SPEN: variants seen among roughly 807,000 people sequenced by gnomAD.
SPEN encodes the protein spen family transcriptional repressor, also known as msx2-interacting protein.
SPEN carries 18 observed loss-of-function variants against 269.9 expected under a neutral mutation model. The ratio of observed to expected loss-of-function variants is 0.07; its 90% CI spans 0.05 to 0.10. SPEN has a LOEUF of 0.10. Ranked by LOEUF, SPEN falls within the 10% of genes least tolerant of loss-of-function variation. The pLI is 1.00. For synonymous variants in SPEN, 1,726 were observed against 1,765.7 expected, an observed-to-expected ratio of 0.98 and a Z score of 0.56; for missense variants, 3,822 against 4,631.2, an observed-to-expected ratio of 0.83 and a Z score of 5.07.
chr1:15,937,337 C>T lies in SPEN; in HGVS notation c.10201C>T (p.Gln3401Ter). 1 of 1,613,872 alleles carries T rather than the reference C, an allele frequency of 6.2e-7. No individual in the cohort carries two copies. Among genetic ancestry groups the T allele is most frequent in the East Asian group, 2.2e-5 (1 of 44,860 alleles). ...AAAGGGGACCCAGACGGGAGTAGAGCAGCCTCGCCTCCCAGCTGGACCTGC... is the reference window on the plus strand; with the variant it reads ...AAAGGGGACCCAGACGGGAGTAGAGTAGCCTCGCCTCCCAGCTGGACCTGC... ...EAKGTQTGVE[Q>*]PRLPAGPANR... The change falls in exon 12 of 15, where the codon CAG becomes TAG. Residue 3401 changes from glutamine to a stop codon, truncating the protein, a stop_gained. Coordinates refer to ENST00000375759, the MANE Select transcript of SPEN (RefSeq NM_015001.3). LOFTEE classifies it high-confidence loss of function. The surrounding 1 kb of genome is among the most constrained non-coding windows in gnomAD (Gnocchi z 5.7).
In SPEN at chr1:15,929,670, A is replaced by C. The variant is rs753563571; in HGVS notation, c.3430A>C (p.Lys1144Gln). ...TCTTCGTGATGAAACACCTGAACGT[A>C]AATCAGGCCAAGAGAAATCACATTC... ...CSLRDETPERKSGQEKSHSVN... is the reference protein window; with the variant it reads ...CSLRDETPERQSGQEKSHSVN... Residue 1144 changes from lysine (K) to glutamine (Q), a missense_variant, in exon 11 of 15, where the codon AAA becomes CAA. Physicochemically the swap from Lys to Gln is moderately conservative, Grantham distance 53. Transcript: ENST00000375759. This position sits in a 1 kb window ranked among gnomAD's most constrained non-coding sequence, Gnocchi z 5.8. The C allele has an allele frequency of 1.2e-6, 2 of 1,614,172 alleles. No individual in the cohort carries two copies. The highest frequency in any genetic ancestry group is 4.5e-5 in the East Asian group (2 of 44,894).
At position 15,940,273 on chromosome 1, in the gene SPEN, C is replaced by G; in HGVS notation, c.*846C>G. 4.3e-6 allele frequency: 1 copy of G among 233,262 alleles called. No homozygotes were observed. Among genetic ancestry groups the G allele is most frequent in the Non-Finnish European group, 8.5e-6 (1 of 117,818 alleles). 14.4% of individuals were successfully genotyped at this position (233,262 alleles called of 1,614,324 possible). ...GCGCTTCGGTACAGCACGGGTCCTG[C>G]TCCCGCGATGTGGAAGTGTCACACG... On this transcript the variant is annotated 3_prime_UTR_variant, in exon 15 of 15. Coordinates refer to ENST00000375759, the MANE Select transcript of SPEN (RefSeq NM_015001.3).
Position 15,939,316 on chromosome 1 carries a change from C to A in SPEN, c.10884C>A (p.Ile3628=). 6.3e-7 allele frequency: 1 copy of A among 1,596,136 alleles called. No individual in the cohort carries two copies. Among genetic ancestry groups the A allele is most frequent in the South Asian group, 1.1e-5 (1 of 88,396 alleles). The change falls in exon 15 of 15, where the codon ATC becomes ATA. Residue 3628 remains isoleucine, a synonymous_variant. Coordinates refer to ENST00000375759, the MANE Select transcript of SPEN (RefSeq NM_015001.3). This position sits in a 1 kb window ranked among gnomAD's most constrained non-coding sequence, Gnocchi z 4.1. ...TCCAGCCTGCCTACGTGCTGCAGAT[C>A]TTCCCGCCCTGTGAGTTCTCTGAGA... The part of the protein sequence containing the change: ...GSNQPAYVLQ[I]FPPCEFSESH...
rs771829980 is a variant in SPEN, at chr1:15,935,870, C to A, written c.9630C>A (p.Pro3210=). 6.2e-7 allele frequency: 1 copy of A among 1,613,592 alleles called. No homozygotes were observed. Among genetic ancestry groups the A allele is most frequent in the Non-Finnish European group, 8.5e-7 (1 of 1,179,990 alleles). Reference sequence around the variant, plus strand: ...ATGTGACGGCAGTCAGCGAGCAGCCCAGGGCCGCGGATGGGGTGGTGAAGG... The same window carrying A: ...ATGTGACGGCAGTCAGCGAGCAGCCAAGGGCCGCGGATGGGGTGGTGAAGG... ...HPHVTAVSEQ[P]RAADGVVKVP... The change falls in exon 11 of 15, where the codon CCC becomes CCA. Residue 3210 remains proline, a synonymous_variant. Transcript: ENST00000375759. This position sits in a 1 kb window ranked among gnomAD's most constrained non-coding sequence, Gnocchi z 7.7.
At chr1:15,870,623 T>C (rs1394323035) in intron 1 of SPEN, among the ~76,000 whole-genome samples, 1 of 152,202 alleles carries the variant, frequency 6.6e-6, no homozygotes, top group Non-Finnish European at 1.5e-5. Context: ...ATGACTTGTG[T>C]GAGAATGAAG....
chr1:15,898,558 C>CTTTTTTTTT (rs375319827), intron 3 of SPEN, among the ~76,000 whole-genome samples: 493 of 131,942 alleles, frequency 3.7e-3, no homozygotes, highest in Middle Eastern at 0.012. Context: ...TTCTTTTTTT[C>CTTTTTTTTT]TTTTTTTTTT....
At chr1:15,894,927 T>C (rs1396967317) in intron 3 of SPEN, among the ~76,000 whole-genome samples, 1 of 152,026 alleles carries the variant, frequency 6.6e-6, no homozygotes, top group African/African-American at 2.4e-5. Context: ...ACCTTTTTAT[T>C]TTTATTTTTA....
chr1:15,889,300 G>A (rs1363683804), intron 3 of SPEN, among the ~76,000 whole-genome samples: 8 of 151,692 alleles, frequency 5.3e-5, no homozygotes, highest in African/African-American at 1.9e-4. Flanking sequence ...TGAGTAGCTG[G>A]GATTGCAGGC....
In SPEN at chr1:15,935,205, G is replaced by T. The variant is rs759938106; in HGVS notation, c.8965G>T (p.Ala2989Ser). 25 of 1,613,904 alleles carry T rather than the reference G, an allele frequency of 1.5e-5. No homozygotes were observed. The highest frequency in any genetic ancestry group is 2.1e-5 in the Non-Finnish European group (25 of 1,179,994). ...CACGCTCACGCCCCACCACCCTCCTGCTCTGCCCAGCAAACTGCCTACAGA... is the reference window on the plus strand; with the variant it reads ...CACGCTCACGCCCCACCACCCTCCTTCTCTGCCCAGCAAACTGCCTACAGA... Reference protein sequence around the residue: ...GSTLTPHHPPALPSKLPTEVN... With the variant: ...GSTLTPHHPPSLPSKLPTEVN... Residue 2989 changes from alanine (A) to serine (S), a missense_variant, in exon 11 of 15, where the codon GCT becomes TCT. This residue lies in a region of SPEN where 94 missense variants were observed against 90.4 expected (regional missense o/e 1.04). Coordinates refer to ENST00000375759, the MANE Select transcript of SPEN (RefSeq NM_015001.3). The surrounding 1 kb of genome is among the most constrained non-coding windows in gnomAD (Gnocchi z 7.7).
intron 6 of SPEN, 75 bp downstream of exon 6, chr1:15,916,354 G>T: frequency 6.2e-6 from 9 of 1,446,706 alleles, no homozygotes; most frequent in Non-Finnish European, 5.6e-6. Flanking sequence ...ATTATATTTG[G>T]AAAGGTGATA....
At chr1:15,898,010 A>T (rs1346194153) in intron 3 of SPEN, among the ~76,000 whole-genome samples, 1 of 152,110 alleles carries the variant, frequency 6.6e-6, no homozygotes, top group Non-Finnish European at 1.5e-5. Flanking sequence ...TCTCTGAGGA[A>T]GTTTACCTGG....
At chr1:15,862,227 A>G (rs2070455843) in intron 1 of SPEN, among the ~76,000 whole-genome samples, 1 of 151,938 alleles carries the variant, frequency 6.6e-6, no homozygotes, top group South Asian at 2.1e-4. Context: ...TCTTAATCTA[A>G]GTGCTTTGTT....
rs774536757 is a variant in SPEN at position 15,936,251 on chromosome 1, C to T, written c.10011C>T (p.Thr3337=). The change falls in exon 11 of 15, where the codon ACC becomes ACT. Residue 3337 remains threonine, a synonymous_variant. Transcript: ENST00000375759. ...CCTCTGTTGGCCTGCCTTCCCGGAC[C>T]AAGACAGCTGCTCAGGTGAGCCAGC... ...AASSVGLPSR[T]KTAAQGPPPE... is the part of the protein sequence containing the mutation. 2 of 1,549,366 alleles carry T rather than the reference C, an allele frequency of 1.3e-6. No homozygotes were observed. The highest frequency in any genetic ancestry group is 1.8e-6 in the Non-Finnish European group (2 of 1,139,824).
chr1:15,882,545 A>G (rs986887276), intron 3 of SPEN, among the ~76,000 whole-genome samples: 3 of 152,152 alleles, frequency 2.0e-5, no homozygotes, highest in East Asian at 3.9e-4. Context: ...CTGTAATCCC[A>G]GCTACTATGG....
At chr1:15,892,012 C>CTTTTT (rs71003216) in intron 3 of SPEN, among the ~76,000 whole-genome samples, 27 of 74,564 alleles carry the variant, frequency 3.6e-4, no homozygotes, top group African/African-American at 7.8e-4. Context: ...TTTCTTTTTA[C>CTTTTT]TTTTTTTTTT....
At position 15,940,319 on chromosome 1, in the gene SPEN, G is replaced by C. The variant is rs2071332702; in HGVS notation, c.*892G>C. 4.3e-6 allele frequency: 1 copy of C among 233,012 alleles called. No homozygotes were observed. The highest frequency in any genetic ancestry group is 2.2e-5 in the African/African-American group (1 of 45,268). The allele number at this position is 233,012 out of a possible 1,614,324, so 14.4% of individuals were successfully genotyped here. On this transcript the variant is annotated 3_prime_UTR_variant, in exon 15 of 15. Transcript: ENST00000375759. ...ACACGGCACCTGTACAAAAAGACTG[G>C]CTAACCCCTCTTCCTATTACCTTGA...
Position 15,887,972 on chromosome 1 carries a change from G to A in SPEN, c.881+11294G>A, listed in dbSNP as rs968521332. ...GAGCCCTGGAGGCAGAGGTTGCAGT[G>A]AGCCAAGATTGCACCACTGCACTCC... On this transcript the variant is annotated intron_variant, in intron 3 of 14. Transcript: ENST00000375759. Among the ~76,000 whole-genome samples the A allele has an allele frequency of 4.0e-5, 6 of 151,578 alleles. No homozygotes were observed. The East Asian group carries it at 1.2e-3, about 30-fold the overall frequency.
intron 3 of SPEN, among the ~76,000 whole-genome samples, chr1:15,900,010 T>A (rs1476651172): frequency 3.3e-5 from 5 of 152,062 alleles, no homozygotes; most frequent in Admixed American, 3.3e-4. Context: ...CATGCCTGGC[T>A]AATTTTTGTA....
At chr1:15,902,172 T>C (rs1313346657) in intron 3 of SPEN, among the ~76,000 whole-genome samples, 1 of 152,154 alleles carries the variant, frequency 6.6e-6, no homozygotes, top group Non-Finnish European at 1.5e-5. Context: ...CAAGTGATCT[T>C]CCTGCCTCAG....
Sources: gnomAD v4.1 joint callset for allele counts (sites outside exome capture counted in the v4.1 genomes callset) on GRCh38, gnomAD v4.1.1 for gene constraint, gnomAD v4.1.1 regional missense constraint, Gnocchi (gnomAD v3.1) non-coding constraint, MANE v1.5 for transcripts, NCBI Gene and HGNC (gene_info 2026-07-23, HGNC 2026-07-21) for gene names.